NME7: variants seen among roughly 807,000 people sequenced by gnomAD.
The protein encoded by NME7 is nucleoside diphosphate kinase 7.
A neutral mutation model predicts 49.1 loss-of-function variants in NME7; 41 were observed. The ratio of observed to expected loss-of-function variants is 0.83; its 90% CI spans 0.65 to 1.08. The LOEUF (loss-of-function observed/expected upper bound fraction) is 1.08. Ranked by LOEUF, NME7 falls within the 50% of genes least tolerant of loss-of-function variation. The probability of loss-of-function intolerance (pLI) is 0.00; values close to 1 mark genes in which losing one functional copy is unlikely to be tolerated. For missense variants in NME7, 423 were observed against 463.4 expected (o/e 0.91, Z 0.80); for synonymous variants, 139 against 150.6 (o/e 0.92, Z 0.56).
intron 1 of NME7, among the ~76,000 whole-genome samples, chr1:169,334,513 C>G (rs573680018): frequency 6.6e-6 from 1 of 151,992 alleles, no homozygotes; most frequent in Non-Finnish European, 1.5e-5. Context: ...TAGCCATATG[C>G]AGAAAAATGA....
intron 11 of NME7, among the ~76,000 whole-genome samples, chr1:169,142,830 T>C (rs1658637520): frequency 6.6e-6 from 1 of 152,216 alleles, no homozygotes; most frequent in African/African-American, 2.4e-5. Flanking sequence ...CATTCTCGCA[T>C]GGCATCCTGG....
intron 7 of NME7, among the ~76,000 whole-genome samples, chr1:169,243,482 G>C (rs1190826214): frequency 6.6e-6 from 1 of 152,188 alleles, no homozygotes; most frequent in Admixed American, 6.5e-5. Flanking sequence ...GCTATGGACT[G>C]AATATTTGTG....
chr1:169,169,111 C>G, intron 11 of NME7: 1 of 460,378 alleles, frequency 2.2e-6, no homozygotes, highest in South Asian at 1.7e-5. Flanking sequence ...ATGCAGCATG[C>G]TACAATTTGG....
intron 1 of NME7, among the ~76,000 whole-genome samples, chr1:169,329,054 A>T (rs1431042639): frequency 6.6e-6 from 1 of 152,192 alleles, no homozygotes; most frequent in Non-Finnish European, 1.5e-5. Flanking sequence ...ATAAGGCACA[A>T]GGGACCAATC....
chr1:169,168,076 C>T (rs1163535774), intron 11 of NME7, among the ~76,000 whole-genome samples: 2 of 152,100 alleles, frequency 1.3e-5, no homozygotes, highest in Non-Finnish European at 2.9e-5. Context: ...AAACTGGTGA[C>T]GAGCGGCTTC....
chr1:169,340,172 T>C (rs551541837), intron 1 of NME7, among the ~76,000 whole-genome samples: 87 of 152,250 alleles, frequency 5.7e-4, no homozygotes, highest in African/African-American at 1.9e-3. Context: ...ATAATCCCCA[T>C]GTGTCAAGAC....
chr1:169,366,896 A>G (rs1653885099), intron 1 of NME7, among the ~76,000 whole-genome samples: 1 of 152,200 alleles, frequency 6.6e-6, no homozygotes. Context: ...CTGTTTCTAA[A>G]TTCATAGCTA....
chr1:169,310,506 T>C (rs1441334909), intron 3 of NME7, among the ~76,000 whole-genome samples: 1 of 152,166 alleles, frequency 6.6e-6, no homozygotes, highest in East Asian at 1.9e-4. Context: ...TCAACATTGA[T>C]TTGGAAATAA....
chr1:169,343,098 A>G (rs906313531), intron 1 of NME7, among the ~76,000 whole-genome samples: 1 of 149,926 alleles, frequency 6.7e-6, no homozygotes, highest in African/African-American at 2.5e-5. Flanking sequence ...TCACATTGCC[A>G]GTTCCACACG....
chr1:169,329,516 T>A (rs2101945064), intron 1 of NME7, among the ~76,000 whole-genome samples: 2 of 149,212 alleles, frequency 1.3e-5, no homozygotes, highest in Middle Eastern at 7.1e-3. Flanking sequence ...TTAAAAAGAA[T>A]CAAGCAGAAA....
intron 11 of NME7, among the ~76,000 whole-genome samples, chr1:169,150,306 G>A (rs554617980): frequency 6.6e-6 from 1 of 152,144 alleles, no homozygotes; most frequent in Non-Finnish European, 1.5e-5. Flanking sequence ...AGAGTCTAAG[G>A]GCAAGCTAGT....
intron 10 of NME7, among the ~76,000 whole-genome samples, chr1:169,208,444 T>C (rs1399510061): frequency 1.3e-5 from 2 of 152,162 alleles, no homozygotes; most frequent in East Asian, 3.9e-4. Context: ...ATATTATCTC[T>C]GTAACATGTC....
intron 10 of NME7, among the ~76,000 whole-genome samples, chr1:169,217,565 G>A (rs1202447893): frequency 1.3e-5 from 2 of 152,054 alleles, no homozygotes; most frequent in Non-Finnish European, 2.9e-5. Flanking sequence ...TATTACATTC[G>A]TATTGGATAG....
intron 7 of NME7, chr1:169,285,282 G>A (rs1650228686): frequency 6.6e-6 from 1 of 152,122 alleles, no homozygotes; most frequent in African/African-American, 2.4e-5. Flanking sequence ...TGCTCAAAAA[G>A]TTTTGGAGTT....
chr1:169,149,507 T>C (rs908293679), intron 11 of NME7, among the ~76,000 whole-genome samples: 2 of 152,162 alleles, frequency 1.3e-5, no homozygotes, highest in Admixed American at 6.6e-5. Flanking sequence ...AAACCACATA[T>C]AGTACCAAAC....
At chr1:169,283,069 G>T (rs1004518166) in intron 7 of NME7, among the ~76,000 whole-genome samples, 4 of 152,170 alleles carry the variant, frequency 2.6e-5, no homozygotes, top group African/African-American at 9.6e-5. Flanking sequence ...CACTTTTATT[G>T]TGTGGGAGTC....
intron 3 of NME7, among the ~76,000 whole-genome samples, chr1:169,319,577 T>A (rs985526060): frequency 5.9e-5 from 9 of 152,066 alleles, no homozygotes; most frequent in Admixed American, 3.9e-4. Context: ...TTTCAGTACA[T>A]CTCCAAGAGG....
chr1:169,348,278 A>T (rs1466176011), intron 1 of NME7, among the ~76,000 whole-genome samples: 1 of 151,540 alleles, frequency 6.6e-6, no homozygotes, highest in African/African-American at 2.4e-5. Context: ...TAATTCAAAC[A>T]TTATTTTTAT....
chr1:169,281,892 T>C (rs1305455429), intron 7 of NME7, among the ~76,000 whole-genome samples: 2 of 152,202 alleles, frequency 1.3e-5, no homozygotes, highest in East Asian at 3.8e-4. Flanking sequence ...TCATCAGGGA[T>C]ATTGGCCTGA....
Sources: gnomAD v4.1 joint callset for allele counts (sites outside exome capture counted in the v4.1 genomes callset) on GRCh38, gnomAD v4.1.1 for gene constraint, MANE v1.5 for transcripts, NCBI Gene and HGNC (gene_info 2026-07-23, HGNC 2026-07-21) for gene names.